PKIB: variants seen among roughly 807,000 people sequenced by gnomAD.
PKIB encodes the protein PKI-beta.
In PKIB, 2 loss-of-function variants were observed where a neutral mutation model predicts 4.5. The ratio of observed to expected loss-of-function variants is 0.44; its 90% confidence interval spans 0.18 to 1.39. PKIB has a LOEUF of 1.39. Ranked by LOEUF, PKIB falls within the 40% of genes most tolerant of loss-of-function variation. PKIB has a pLI of 0.27. For synonymous variants in PKIB, 38 were observed against 36.0 expected, an observed-to-expected ratio of 1.06 and a Z score of -0.20; for missense variants, 94 against 92.6, an observed-to-expected ratio of 1.02 and a Z score of -0.06.
intron 3 of PKIB, among the ~76,000 whole-genome samples, chr6:122,709,400 A>C (rs1779186366): frequency 6.6e-6 from 1 of 152,156 alleles, no homozygotes; most frequent in Non-Finnish European, 1.5e-5. Flanking sequence ...TTTTATTTTG[A>C]ATATGTGCAA....
chr6:122,487,642 T>C (rs1177175103), intron 2 of PKIB, among the ~76,000 whole-genome samples: 1 of 152,212 alleles, frequency 6.6e-6, no homozygotes, highest in Non-Finnish European at 1.5e-5. Context: ...GCTGACTCCA[T>C]GGGGAAGCTC....
chr6:122,587,566 G>GGTATTTCTA (rs1773889451), intron 3 of PKIB, among the ~76,000 whole-genome samples: 1 of 152,126 alleles, frequency 6.6e-6, no homozygotes, highest in Non-Finnish European at 1.5e-5. Flanking sequence ...TGGGTCGAAT[G>GGTATTTCTA]GTATTTCTAG....
chr6:122,710,899 A>G (rs1352071774), intron 3 of PKIB, among the ~76,000 whole-genome samples: 1 of 152,218 alleles, frequency 6.6e-6, no homozygotes, highest in African/African-American at 2.4e-5. Flanking sequence ...GAAACAAATG[A>G]AAGTGAAGGA....
At chr6:122,553,821 T>C (rs1772761430) in intron 2 of PKIB, among the ~76,000 whole-genome samples, 1 of 152,130 alleles carries the variant, frequency 6.6e-6, no homozygotes, top group Non-Finnish European at 1.5e-5. Context: ...AGGATGACTC[T>C]TCCTTAATGT....
chr6:122,558,262 T>G (rs751513846), intron 2 of PKIB, among the ~76,000 whole-genome samples: 1 of 152,180 alleles, frequency 6.6e-6, no homozygotes, highest in Non-Finnish European at 1.5e-5. Context: ...GCTCTGTAAG[T>G]GGTAACAAAG....
At chr6:122,622,701 C>G (rs1333285205) in intron 1 of PKIB, among the ~76,000 whole-genome samples, 1 of 149,484 alleles carries the variant, frequency 6.7e-6, no homozygotes, top group Non-Finnish European at 1.5e-5. Flanking sequence ...TGGCATTTTG[C>G]AGTAGTGGGG....
chr6:122,474,539 T>C lies in PKIB; in HGVS notation c.-337+2498T>C, dbSNP rs970938606. On this transcript the variant is annotated intron_variant, in intron 1 of 6. Coordinates refer to the PKIB transcript ENST00000392491. Reference sequence around the variant, plus strand: ...TTCTCATAATTAAACTTTTGATCCATATGTGGCATCAGAGAGCTGAAGGTT... The same window carrying C: ...TTCTCATAATTAAACTTTTGATCCACATGTGGCATCAGAGAGCTGAAGGTT... 2.0e-5 allele frequency among the ~76,000 whole-genome samples: 3 copies of C among 152,220 alleles called. No individual in the cohort carries two copies. In the East Asian group the frequency reaches 5.8e-4, roughly 29 times the overall value.
rs190443175 is a variant in PKIB, at chr6:122,623,498, C to T, written c.-160-9785C>T. ...GAGAAATAATCTTGCCAGCTCTTTC[C>T]CTCCCACCACTTTTTTATTCAGTAC... On this transcript the variant is annotated intron_variant, in intron 1 of 4. Coordinates refer to ENST00000368452, the MANE Select transcript of PKIB (RefSeq NM_181795.3). Among the ~76,000 whole-genome samples the T allele has an allele frequency of 1.9e-3, 289 of 152,220 alleles. 1 individual carries two copies. Among genetic ancestry groups the T allele is most frequent in the Middle Eastern group, 0.01 (3 of 294 alleles).
chr6:122,620,456 T>C (rs1012636006), intron 1 of PKIB, among the ~76,000 whole-genome samples: 6 of 152,258 alleles, frequency 3.9e-5, no homozygotes, highest in African/African-American at 1.4e-4. Flanking sequence ...TTAACACAGA[T>C]AGGCTAATAA....
At chr6:122,490,783 ATAGC>A (rs1775916231) in intron 2 of PKIB, among the ~76,000 whole-genome samples, 1 of 152,202 alleles carries the variant, frequency 6.6e-6, no homozygotes, top group African/African-American at 2.4e-5. Flanking sequence ...CTATTTCTTT[ATAGC>A]TAGCAAAAAT....
chr6:122,679,435 A>G (rs1033823563), intron 3 of PKIB, among the ~76,000 whole-genome samples: 1 of 152,076 alleles, frequency 6.6e-6, no homozygotes, highest in Non-Finnish European at 1.5e-5. Context: ...AGATGGTAAG[A>G]TTTGCTGGGC....
At chr6:122,602,979 TAGG>T (rs1417265807) in intron 3 of PKIB, among the ~76,000 whole-genome samples, 1 of 107,924 alleles carries the variant, frequency 9.3e-6, no homozygotes, top group East Asian at 2.7e-4. Flanking sequence ...AAAAAAAAAA[TAGG>T]AGTACGTTTA....
intron 2 of PKIB, among the ~76,000 whole-genome samples, chr6:122,521,709 A>G (rs1332556673): frequency 6.6e-6 from 1 of 151,972 alleles, no homozygotes; most frequent in Non-Finnish European, 1.5e-5. Flanking sequence ...ATAAAAGAAG[A>G]TGACATTTCA....
At chr6:122,692,937 T>C (rs1778414565) in intron 3 of PKIB, among the ~76,000 whole-genome samples, 1 of 152,240 alleles carries the variant, frequency 6.6e-6, no homozygotes, top group African/African-American at 2.4e-5. Context: ...TTAGCAATAC[T>C]TTAAATTATA....
chr6:122,701,566 C>T, intron 3 of PKIB: 2 of 1,536,644 alleles, frequency 1.3e-6, no homozygotes, highest in Non-Finnish European at 1.8e-6. Flanking sequence ...GATGGCATAA[C>T]AGTGCCACAT....
intron 2 of PKIB, among the ~76,000 whole-genome samples, chr6:122,570,192 G>A (rs760994957): frequency 6.6e-6 from 1 of 152,196 alleles, no homozygotes; most frequent in Non-Finnish European, 1.5e-5. Context: ...AACCTGAATA[G>A]CCAGAACACT....
chr6:122,491,134 C>CA (rs1168106275), intron 2 of PKIB, among the ~76,000 whole-genome samples: 2 of 152,170 alleles, frequency 1.3e-5, no homozygotes, highest in African/African-American at 4.8e-5. Context: ...ACTTGAAGGA[C>CA]AAGTGTGGGG....
intron 3 of PKIB, among the ~76,000 whole-genome samples, chr6:122,587,539 C>T (rs1014347022): frequency 6.6e-6 from 1 of 152,158 alleles, no homozygotes; most frequent in African/African-American, 2.4e-5. Flanking sequence ...TGGGTATATA[C>T]CCAGTAATGG....
chr6:122,567,333 A>T (rs1294541334), intron 2 of PKIB, among the ~76,000 whole-genome samples: 1 of 152,156 alleles, frequency 6.6e-6, no homozygotes, highest in Non-Finnish European at 1.5e-5. Context: ...TGTGCTTTAT[A>T]CTGATCCACA....
Sources: allele counts gnomAD v4.1 joint callset (sites outside exome capture counted in the v4.1 genomes callset), GRCh38; gene constraint gnomAD v4.1.1; transcripts MANE v1.5; gene names NCBI Gene and HGNC (gene_info 2026-07-23, HGNC 2026-07-21).